The following ERCC6 variants were observed in gnomAD, a reference collection of about 807,000 sequenced individuals.
The protein encoded by ERCC6 is ERCC excision repair 6, chromatin remodeling factor, also known as DNA excision repair protein ERCC-6.
A neutral mutation model predicts 158.7 loss-of-function variants in ERCC6; 116 were observed. The ratio of observed to expected loss-of-function variants is 0.73; its 90% CI spans 0.63 to 0.85. The LOEUF (loss-of-function observed/expected upper bound fraction) is 0.85, where lower values mean the gene tolerates loss of function less well. Ranked by LOEUF, ERCC6 falls within the 40% of genes least tolerant of loss-of-function variation. The pLI is 0.00. For missense variants in ERCC6, 1,698 were observed against 1,799.4 expected (o/e 0.94, Z 1.02); for synonymous variants, 678 against 659.3 (o/e 1.03, Z -0.43).
chr10:49,437,754 C>T, the ERCC6 span, among the ~76,000 whole-genome samples: 1 of 152,030 alleles, frequency 6.6e-6, no homozygotes, highest in Non-Finnish European at 1.5e-5. Flanking sequence ...TAATAAAAGG[C>T]TGATTTTTTG....
intron 1 of ERCC6, among the ~76,000 whole-genome samples, chr10:49,533,451 T>C (rs1169153906): frequency 6.6e-6 from 1 of 152,160 alleles, no homozygotes; most frequent in Non-Finnish European, 1.5e-5. Context: ...GCTGAATACC[T>C]ATCCAGTAAA....
In ERCC6 at chr10:49,468,659, C is replaced by T. The variant is rs184852679; in HGVS notation, c.3778+1523G>A. Reference sequence around the variant, plus strand: ...TGTATGTACACAACAAACACATACACACACATACATACATCTATTTCCTGA... The same window carrying T: ...TGTATGTACACAACAAACACATACATACACATACATACATCTATTTCCTGA... On this transcript the variant is annotated intron_variant, in intron 18 of 20. Transcript: ENST00000355832. Among the ~76,000 whole-genome samples, 673 of 152,258 alleles carry T rather than the reference C, an allele frequency of 4.4e-3. 1 individual carries two copies. Among genetic ancestry groups the T allele is most frequent in the Admixed American group, 7.4e-3 (113 of 15,284 alleles).
chr10:49,454,012 T>C (rs1326603976), downstream of ERCC6, among the ~76,000 whole-genome samples: 1 of 152,116 alleles, frequency 6.6e-6, no homozygotes, highest in Non-Finnish European at 1.5e-5. Context: ...ATTTGGAGAG[T>C]TTTCAGTCAT....
chr10:49,534,164 A>AAAC (rs1564448026), intron 1 of ERCC6, among the ~76,000 whole-genome samples: 20 of 150,840 alleles, frequency 1.3e-4, no homozygotes, highest in African/African-American at 4.9e-4. Context: ...ACAAAAAAAA[A>AAAC]ACTCCATTTT....
intron 4 of ERCC6, among the ~76,000 whole-genome samples, chr10:49,526,014 G>A (rs1361021243): frequency 2.0e-5 from 3 of 151,076 alleles, no homozygotes; most frequent in Admixed American, 6.6e-5. Context: ...GCACATTTGA[G>A]TGGCTTCCAG....
intron 5 of ERCC6, chr10:49,516,435 G>C (rs1230721748): frequency 1.9e-6 from 3 of 1,614,058 alleles, no homozygotes; most frequent in Non-Finnish European, 2.5e-6. Context: ...ATGCAAATTA[G>C]AAAATATAGT....
rs1564725995 is a variant in ERCC6 at position 49,461,622 on chromosome 10, T to A, written c.3779-66A>T. The A allele has an allele frequency of 4.0e-6, 6 of 1,495,548 alleles. No homozygotes were observed. In the East Asian group the frequency reaches 1.4e-4, roughly 36 times the overall value. The allele number at this position is 1,495,548 out of a possible 1,614,324, so 92.6% of individuals were successfully genotyped here. ...ATGCAAGAAAGACACTTTTCTCCTC[T>A]GTATAAGTACAGTACTGTAGTAGAC... On this transcript the variant is annotated intron_variant, in intron 18 of 20. Coordinates refer to ENST00000355832, the MANE Select transcript of ERCC6 (RefSeq NM_000124.4).
chr10:49,534,145 A>C (rs913532626), intron 1 of ERCC6, among the ~76,000 whole-genome samples: 15 of 149,042 alleles, frequency 1.0e-4, no homozygotes, highest in South Asian at 2.2e-4. Context: ...AAAAAAAAAA[A>C]AAAAAAAAAC....
chr10:49,476,191 T>A, intron 12 of ERCC6, 24 bp downstream of exon 12: 1 of 1,513,802 alleles, frequency 6.6e-7, no homozygotes, highest in Non-Finnish European at 9.2e-7. Flanking sequence ...AATTCATTTC[T>A]CCAGCTTCTA....
In ERCC6 at chr10:49,515,750, C is replaced by T. The variant is rs530214510; in HGVS notation, c.1397+8283G>A. The T allele has an allele frequency of 6.8e-6, 11 of 1,614,146 alleles. No homozygotes were observed. In the South Asian group the frequency reaches 9.9e-5, roughly 14 times the overall value. On this transcript the variant is annotated intron_variant, in intron 5 of 20. Transcript: ENST00000355832. ...CTACGCCTCCCATGAACTGGTTATA[C>T]ACTTTGATCATGTTTGGCTGCTGAA...
At chr10:49,440,926 A>G in the ERCC6 span, among the ~76,000 whole-genome samples, 1 of 152,154 alleles carries the variant, frequency 6.6e-6, no homozygotes, top group Admixed American at 6.5e-5. Context: ...GAATGGGTGG[A>G]ATGGGAGGTG....
chr10:49,459,077 C>T lies in ERCC6; in HGVS notation c.4220G>A (p.Ser1407Asn), dbSNP rs777367194. The change falls in exon 21 of 21, where the codon AGT (serine) becomes AAT (asparagine). Residue 1407 changes from serine to asparagine, a missense_variant. By Grantham distance (46) the Ser-to-Asn change is conservative. Transcript: ENST00000355832. ...NHLILPERLESESGHLQEASA... is the reference protein window; with the variant it reads ...NHLILPERLENESGHLQEASA... ...AGCTTCCTGCAGGTGCCCGCTTTCACTTTCTAAACGCTCTGGCAGAATCAG... is the reference window on the plus strand; with the variant it reads ...AGCTTCCTGCAGGTGCCCGCTTTCATTTTCTAAACGCTCTGGCAGAATCAG... 6 of 1,614,166 alleles carry T rather than the reference C, an allele frequency of 3.7e-6. No individual in the cohort carries two copies. Among genetic ancestry groups the T allele is most frequent in the Non-Finnish European group, 5.1e-6 (6 of 1,180,026 alleles).
At chr10:49,492,319 A>G (rs578151883) in intron 8 of ERCC6, among the ~76,000 whole-genome samples, 12 of 152,306 alleles carry the variant, frequency 7.9e-5, no homozygotes, top group African/African-American at 2.4e-4. Flanking sequence ...CAGAAGACTC[A>G]GGAAAGAAAG....
chr10:49,488,843 G>A (rs2132559145), intron 8 of ERCC6, among the ~76,000 whole-genome samples: 1 of 152,154 alleles, frequency 6.6e-6, no homozygotes, highest in South Asian at 2.1e-4. Flanking sequence ...GAGTGCAGTG[G>A]CGTGATCTCA....
chr10:49,497,463 T>C lies in ERCC6; in HGVS notation c.1685+3075A>G, dbSNP rs534418074. Among the ~76,000 whole-genome samples, 5 of 152,402 alleles carry C rather than the reference T, an allele frequency of 3.3e-5. No individual in the cohort carries two copies. The East Asian group carries it at 9.6e-4, about 29-fold the overall frequency. On this transcript the variant is annotated intron_variant, in intron 7 of 20. Transcript: ENST00000355832. ...TGCCTTCTGCAAACTGCTACATTGA[T>C]GACTCACATTTTGTTATCTAAGGCT...
chr10:49,497,125 A>G (rs1312863493), intron 7 of ERCC6, among the ~76,000 whole-genome samples: 1 of 152,160 alleles, frequency 6.6e-6, no homozygotes, highest in Non-Finnish European at 1.5e-5. Flanking sequence ...CACTCTTCCT[A>G]CAGAGTTTCT....
At position 49,483,356 on chromosome 10, in the gene ERCC6, G is replaced by A. The variant is rs1851014408; in HGVS notation, c.1982C>T (p.Ala661Val). The change falls in exon 9 of 21, where the codon GCT (alanine) becomes GTT (valine). Residue 661 changes from alanine (A) to valine (V), a missense_variant. Transcript: ENST00000355832. ...IRNPNAAVTLACKQFRTPHRI... is the reference protein window; with the variant it reads ...IRNPNAAVTLVCKQFRTPHRI... ...TAAAAGAGGTCATACCTGTTTGCAA[G>A]CAAGGGTGACAGCAGCATTTGGATT... The A allele has an allele frequency of 6.2e-7, 1 of 1,614,018 alleles. No homozygotes were observed. The highest frequency in any genetic ancestry group is 8.5e-7 in the Non-Finnish European group (1 of 1,179,998).
chr10:49,528,175 A>G (rs773113703), intron 4 of ERCC6, among the ~76,000 whole-genome samples: 4 of 152,248 alleles, frequency 2.6e-5, no homozygotes, highest in Non-Finnish European at 4.4e-5. Flanking sequence ...TATTAAATGT[A>G]ATAATAAATG....
At position 49,478,374 on chromosome 10, in the gene ERCC6, A is replaced by G. The variant is rs751353976; in HGVS notation, c.2266T>C (p.Leu756=). The G allele has an allele frequency of 6.2e-6, 10 of 1,612,832 alleles. No homozygotes were observed. In the South Asian group the frequency reaches 7.7e-5, roughly 12 times the overall value. The change falls in exon 11 of 21, where the codon TTG becomes CTG. Residue 756 remains leucine (L), a synonymous_variant. Coordinates refer to ENST00000355832, the MANE Select transcript of ERCC6 (RefSeq NM_000124.4). ...MKSDVKMSLS[L]PDKNEQVLFC... ...CAGACCTGTTCATTTTTATCTGGCA[A>G]AGAAAGGCTCATCTTGACATCTGAC...
Sources: allele counts gnomAD v4.1 joint callset (sites outside exome capture counted in the v4.1 genomes callset), GRCh38; gene constraint gnomAD v4.1.1; transcripts MANE v1.5; gene names NCBI Gene and HGNC (gene_info 2026-07-23, HGNC 2026-07-21).